ZMAT4: variants seen among roughly 807,000 people sequenced by gnomAD.
ZMAT4 encodes zinc finger matrin-type 4.
A neutral mutation model predicts 28.7 loss-of-function variants in ZMAT4; 17 were observed. That is an observed-to-expected ratio of 0.59 (90% confidence interval 0.41 to 0.89). The LOEUF (loss-of-function observed/expected upper bound fraction) is 0.89. Ranked by LOEUF, ZMAT4 falls within the 40% of genes least tolerant of loss-of-function variation. The pLI is 0.00. For synonymous variants in ZMAT4, 117 were observed against 109.2 expected (o/e 1.07, Z -0.44); for missense variants, 240 against 283.8 (o/e 0.85, Z 1.11).
At chr8:40,860,756 T>A (rs1002671770) in intron 1 of ZMAT4, among the ~76,000 whole-genome samples, 2 of 152,148 alleles carry the variant, frequency 1.3e-5, no homozygotes, top group Non-Finnish European at 2.9e-5. Context: ...CTGTTTGAAA[T>A]GGGAGAAGCA....
At chr8:40,548,291 TA>T (rs918933734) in intron 6 of ZMAT4, among the ~76,000 whole-genome samples, 106 of 150,492 alleles carry the variant, frequency 7.0e-4, no homozygotes, top group Non-Finnish European at 1.1e-3. Context: ...AAAAGAAGAT[TA>T]AAAAAAAACA....
intron 3 of ZMAT4, among the ~76,000 whole-genome samples, chr8:40,763,403 G>A (rs1813016317): frequency 6.6e-6 from 1 of 152,146 alleles, no homozygotes; most frequent in South Asian, 2.1e-4. Flanking sequence ...GCTAAGTGGG[G>A]ACAGTGACAA....
At chr8:40,617,941 G>T (rs1029706026) in intron 5 of ZMAT4, among the ~76,000 whole-genome samples, 6 of 152,200 alleles carry the variant, frequency 3.9e-5, no homozygotes, top group Non-Finnish European at 7.3e-5. Context: ...GACAATTGGT[G>T]TGAGATTGGA....
chr8:40,800,813 A>G (rs1177736332), intron 2 of ZMAT4, among the ~76,000 whole-genome samples: 1 of 152,142 alleles, frequency 6.6e-6, no homozygotes, highest in Admixed American at 6.5e-5. Flanking sequence ...ATTAAAATCA[A>G]TCACATAAGG....
chr8:40,801,351 A>AATATATATAT (rs1554559737), intron 2 of ZMAT4, among the ~76,000 whole-genome samples: 1 of 97,258 alleles, frequency 1.0e-5, no homozygotes, highest in Non-Finnish European at 2.2e-5. Context: ...TAAAAAAAAA[A>AATATATATAT]ATATATATAT....
intron 5 of ZMAT4, among the ~76,000 whole-genome samples, chr8:40,585,984 G>A (rs1250437817): frequency 1.3e-5 from 2 of 152,164 alleles, no homozygotes; most frequent in Non-Finnish European, 2.9e-5. Flanking sequence ...AACATATTCT[G>A]ATCTGTTGCT....
chr8:40,667,854 A>T, intron 5 of ZMAT4, among the ~76,000 whole-genome samples: 1 of 146,788 alleles, frequency 6.8e-6, no homozygotes, highest in South Asian at 2.1e-4. Context: ...AAAAACAACA[A>T]AAAAAAAAAC....
At chr8:40,765,219 C>G (rs764199072) in intron 3 of ZMAT4, among the ~76,000 whole-genome samples, 1 of 152,152 alleles carries the variant, frequency 6.6e-6, no homozygotes, top group Non-Finnish European at 1.5e-5. Context: ...CTCCAGACAA[C>G]GTCTTTATAT....
At chr8:40,700,420 T>C (rs1356492247) in intron 3 of ZMAT4, among the ~76,000 whole-genome samples, 1 of 140,638 alleles carries the variant, frequency 7.1e-6, no homozygotes, top group African/African-American at 2.6e-5. Flanking sequence ...TCTTTTTTTT[T>C]TTTTTTTTTT....
At chr8:40,533,950 A>T (rs765341399) in intron 6 of ZMAT4, among the ~76,000 whole-genome samples, 1 of 152,216 alleles carries the variant, frequency 6.6e-6, no homozygotes. Context: ...TATAAACTGC[A>T]AAGATGAACA....
chr8:40,539,910 A>T (rs532199326), intron 6 of ZMAT4, among the ~76,000 whole-genome samples: 9 of 152,330 alleles, frequency 5.9e-5, no homozygotes, highest in African/African-American at 2.2e-4. Flanking sequence ...TTCAGGATGA[A>T]GTCTGGCCAT....
chr8:40,832,625 G>A (rs914809517), intron 1 of ZMAT4, among the ~76,000 whole-genome samples: 2 of 152,178 alleles, frequency 1.3e-5, no homozygotes, highest in Non-Finnish European at 2.9e-5. Context: ...AGAACCCAAG[G>A]CAGAGAGGCT....
chr8:40,820,601 AGTGCATGTGT>A (rs1815736424), intron 2 of ZMAT4, among the ~76,000 whole-genome samples: 2 of 38,914 alleles, frequency 5.1e-5, no homozygotes, highest in South Asian at 2.3e-3. Context: ...TGTATGTGGG[AGTGCATGTGT>A]GTGTATGTGT....
At chr8:40,874,056 C>T (rs1023246279) in intron 1 of ZMAT4, among the ~76,000 whole-genome samples, 1 of 152,194 alleles carries the variant, frequency 6.6e-6, no homozygotes, top group African/African-American at 2.4e-5. Context: ...TCCTTTCCGC[C>T]AGGAACACAC....
At chr8:40,770,653 T>C (rs1278856523) in intron 2 of ZMAT4, among the ~76,000 whole-genome samples, 2 of 151,376 alleles carry the variant, frequency 1.3e-5, no homozygotes, top group African/African-American at 2.4e-5. Flanking sequence ...GTTCAAGCAA[T>C]TATCCTGCCT....
intron 5 of ZMAT4, 54 bp downstream of exon 5, chr8:40,674,650 A>G (rs186884177): frequency 2.1e-6 from 3 of 1,426,256 alleles, no homozygotes; most frequent in Admixed American, 3.5e-5. Context: ...TGAAAGCCGC[A>G]TCTTTTCTCT....
intron 4 of ZMAT4, among the ~76,000 whole-genome samples, chr8:40,682,311 A>G (rs1046155541): frequency 7.9e-5 from 12 of 152,212 alleles, no homozygotes; most frequent in African/African-American, 2.9e-4. Context: ...GCAATGCTTT[A>G]TTATTAATTT....
At chr8:40,831,159 A>T (rs192427361) in intron 1 of ZMAT4, among the ~76,000 whole-genome samples, 101 of 152,328 alleles carry the variant, frequency 6.6e-4, no homozygotes, top group African/African-American at 2.4e-3. Flanking sequence ...TCTCTTTTGT[A>T]TCAACAATAC....
At chr8:40,867,494 G>C (rs58309052) in intron 1 of ZMAT4, among the ~76,000 whole-genome samples, 1,656 of 152,112 alleles carry the variant, frequency 0.011, 36 homozygotes, top group African/African-American at 0.038. Context: ...GTAGCTGCAG[G>C]GTCCTGCATG....
Sources: allele counts gnomAD v4.1 joint callset (sites outside exome capture counted in the v4.1 genomes callset), GRCh38; gene constraint gnomAD v4.1.1; transcripts MANE v1.5; gene names NCBI Gene and HGNC (gene_info 2026-07-23, HGNC 2026-07-21).